The following JAK3 variants were observed in gnomAD, a reference collection of about 807,000 sequenced individuals.
JAK3 encodes the protein Janus kinase 3.
JAK3 carries 88 observed loss-of-function variants against 120.8 expected under a neutral mutation model. The observed-to-expected ratio is 0.73, with a 90% CI of 0.61 to 0.87. The LOEUF (loss-of-function observed/expected upper bound fraction) is 0.87. JAK3 is among the 40% of genes least tolerant of loss of function. The probability of loss-of-function intolerance (pLI) is 0.00; values close to 1 mark genes in which losing one functional copy is unlikely to be tolerated. For missense variants in JAK3, 1,254 were observed against 1,501.4 expected (o/e 0.84, Z 2.72); for synonymous variants, 592 against 628.6 (o/e 0.94, Z 0.87).
intron 10 of JAK3, among the ~76,000 whole-genome samples, chr19:17,838,637 C>G (rs2094230229): frequency 6.6e-6 from 1 of 152,048 alleles, no homozygotes; most frequent in Admixed American, 6.6e-5. Context: ...CCTCCACCTC[C>G]CAGGTTCAAG....
At chr19:17,836,734 A>C in intron 13 of JAK3, 1 of 431,432 alleles carries the variant, frequency 2.3e-6, no homozygotes, top group South Asian at 2.2e-5. Flanking sequence ...AGCCTCTCTG[A>C]CCATCCACAG....
Position 17,837,995 on chromosome 19 carries a change from C to T in JAK3, c.1638G>A (p.Gly546=), listed in dbSNP as rs1017287437. The T allele has an allele frequency of 6.2e-7, 1 of 1,614,128 alleles. No individual in the cohort carries two copies. Among genetic ancestry groups the T allele is most frequent in the Non-Finnish European group, 8.5e-7 (1 of 1,180,036 alleles). ...GCAGCACCTCTGTCTTTCGGGCCTC[C>T]CCATCCACCACCTCATGGCGACAGC... ...YRGCRHEVVD[G]EARKTEVLLK... The change falls in exon 12 of 24, where the codon GGG becomes GGA. Residue 546 remains glycine (G), a synonymous_variant. Coordinates refer to ENST00000458235, the MANE Select transcript of JAK3 (RefSeq NM_000215.4).
chr19:17,835,313 T>G, intron 14 of JAK3, 98 bp from the exon 15 acceptor site: 1 of 1,419,334 alleles, frequency 7.0e-7, no homozygotes, highest in Non-Finnish European at 9.5e-7. Flanking sequence ...CACTTGGTAC[T>G]GCTCAGACAT....
Position 17,834,892 on chromosome 19 carries a change from C to A in JAK3, c.2159G>T (p.Ser720Ile). 1.2e-6 allele frequency: 2 copies of A among 1,614,172 alleles called. No individual in the cohort carries two copies. The highest frequency in any genetic ancestry group is 2.2e-5 in the South Asian group (2 of 91,086). Residue 720 changes from serine (S) to isoleucine (I), a missense_variant, in exon 16 of 24, where the codon AGT becomes ATT. Physicochemically the swap from Ser to Ile is moderately radical, Grantham distance 142. Transcript: ENST00000458235. Reference sequence around the variant, plus strand: ...GGCACTGATGGGCATGGTGACGCCACTAAACACTTCCCAGACCGTGGCGCC... The same window carrying A: ...GGCACTGATGGGCATGGTGACGCCAATAAACACTTCCCAGACCGTGGCGCC... The part of the protein sequence containing the change: ...GFGATVWEVF[S>I]GVTMPISALD...
intron 13 of JAK3, chr19:17,836,710 C>T: frequency 2.3e-6 from 1 of 429,446 alleles, no homozygotes; most frequent in South Asian, 2.2e-5. Flanking sequence ...GCCCAACCCC[C>T]AGGCTGGCCC....
In JAK3 at chr19:17,842,490, T is replaced by C; in HGVS notation, c.687A>G (p.Ala229=). The change falls in exon 6 of 24, where the codon GCA becomes GCG. Residue 229 remains alanine, a synonymous_variant. Transcript: ENST00000458235. The surrounding 1 kb of genome is among the most constrained non-coding windows in gnomAD (Gnocchi z 6.4). Reference sequence around the variant, plus strand: ...ACTTGGCCATGAGCGAGTGCCGGTCTGCCTGGCAGGCGGCCACGCGGCGCA... The same window carrying C: ...ACTTGGCCATGAGCGAGTGCCGGTCCGCCTGGCAGGCGGCCACGCGGCGCA... ...RALRRVAACQ[A]DRHSLMAKYI... is the part of the protein sequence containing the mutation. The C allele has an allele frequency of 6.2e-7, 1 of 1,600,142 alleles. No individual in the cohort carries two copies. The highest frequency in any genetic ancestry group is 8.5e-7 in the Non-Finnish European group (1 of 1,174,206).
intron 16 of JAK3, 23 bp downstream of exon 16, chr19:17,834,829 G>C (rs202171305): frequency 6.2e-7 from 1 of 1,613,704 alleles, no homozygotes; most frequent in African/African-American, 1.3e-5. Flanking sequence ...TTCGGAGACC[G>C]ATGCCGGGTG....
At chr19:17,828,907 C>A (rs2094208806) in intron 23 of JAK3, among the ~76,000 whole-genome samples, 1 of 152,136 alleles carries the variant, frequency 6.6e-6, no homozygotes, top group Non-Finnish European at 1.5e-5. Context: ...GTAATCCCAG[C>A]ACTTTGGGAG....
chr19:17,838,158 T>C, intron 11 of JAK3, 95 bp from the exon 12 acceptor site: 1 of 1,612,480 alleles, frequency 6.2e-7, no homozygotes, highest in Non-Finnish European at 8.5e-7. Context: ...ATTTTACAGA[T>C]GGGAAAACCG....
rs886039394 is a variant in JAK3, at chr19:17,837,150, C to T, written c.1765G>A (p.Gly589Ser). ...VSYRHLVLLHGVCMAGDSTMV... is the reference protein window; with the variant it reads ...VSYRHLVLLHSVCMAGDSTMV... Reference sequence around the variant, plus strand: ...TCACTGTCTCCAGCCATGCACACGCCGTGGAGCAGCACGAGATGCCGGTAC... The same window carrying T: ...TCACTGTCTCCAGCCATGCACACGCTGTGGAGCAGCACGAGATGCCGGTAC... Residue 589 changes from glycine (G) to serine (S), a missense_variant, in exon 13 of 24, where the codon GGC (glycine) becomes AGC (serine). Physicochemically the swap from Gly to Ser is moderately conservative, Grantham distance 56 (BLOSUM62 0). Transcript: ENST00000458235. The T allele has an allele frequency of 3.2e-6, 5 of 1,559,508 alleles. No homozygotes were observed. Among genetic ancestry groups the T allele is most frequent in the East Asian group, 2.4e-5 (1 of 41,874 alleles).
At position 17,841,883 on chromosome 19, in the gene JAK3, G is replaced by T; in HGVS notation, c.862-121C>A. ...TCCCTTTGCCATTCAACCCTTCCAAGCCGCGCCCCCTCCTATCAACTCCAA... is the reference window on the plus strand; with the variant it reads ...TCCCTTTGCCATTCAACCCTTCCAATCCGCGCCCCCTCCTATCAACTCCAA... On this transcript the variant is annotated intron_variant, in intron 6 of 23. Transcript: ENST00000458235. The surrounding 1 kb of genome is among the most constrained non-coding windows in gnomAD (Gnocchi z 4.1). The T allele has an allele frequency of 7.2e-7, 1 of 1,393,666 alleles. No homozygotes were observed. The highest frequency in any genetic ancestry group is 9.8e-7 in the Non-Finnish European group (1 of 1,018,044). The allele number at this position is 1,393,666 out of a possible 1,614,324, so 86.3% of individuals were successfully genotyped here. A position where few individuals can be genotyped will look rare whatever the true frequency, so the allele number is the denominator to read the frequency against.
chr19:17,828,737 C>T (rs141653783), intron 23 of JAK3, among the ~76,000 whole-genome samples: 12 of 152,290 alleles, frequency 7.9e-5, no homozygotes, highest in Non-Finnish European at 1.5e-4. Context: ...ACAGGGTCTT[C>T]AGCACCCAAC....
rs118101939 is a variant in JAK3, at chr19:17,825,424, C to T, written c.*1319G>A. 2,912 of 218,150 alleles carry T rather than the reference C, an allele frequency of 0.013. 35 individuals are homozygous for T. Among genetic ancestry groups the T allele is most frequent in the Non-Finnish European group, 0.02 (2,178 of 108,624 alleles). The allele number at this position is 218,150 out of a possible 1,614,324, so 13.5% of individuals were successfully genotyped here. A position where few individuals can be genotyped will look rare whatever the true frequency, so the allele number is the denominator to read the frequency against. Reference sequence around the variant, plus strand: ...CATTGGACAGGTGGGAAAACTGAAGCCCTAGGACACTCAGATACCATTAGG... The same window carrying T: ...CATTGGACAGGTGGGAAAACTGAAGTCCTAGGACACTCAGATACCATTAGG... On this transcript the variant is annotated 3_prime_UTR_variant, in exon 24 of 24. Transcript: ENST00000458235.
intron 13 of JAK3, chr19:17,836,838 A>G (rs2094225228): frequency 2.0e-6 from 1 of 510,626 alleles, no homozygotes; most frequent in East Asian, 3.6e-5. Flanking sequence ...CTCCCAACCA[A>G]TGAAACCAAG....
chr19:17,847,020 C>T (rs1027482357), intron 1 of JAK3, among the ~76,000 whole-genome samples: 1 of 152,112 alleles, frequency 6.6e-6, no homozygotes, highest in African/African-American at 2.4e-5. Flanking sequence ...GCCTCAGCCT[C>T]CTGAGTAGCT....
At chr19:17,834,146 G>A (rs1474491576) in intron 17 of JAK3, among the ~76,000 whole-genome samples, 2 of 152,010 alleles carry the variant, frequency 1.3e-5, no homozygotes, top group Non-Finnish European at 1.5e-5. Context: ...TCAAGAGTTC[G>A]AGACCAGCCT....
chr19:17,831,432 G>A lies in JAK3; in HGVS notation c.2806-32C>T. 6.3e-7 allele frequency: 1 copy of A among 1,599,540 alleles called. No individual in the cohort carries two copies. The highest frequency in any genetic ancestry group is 1.3e-5 in the African/African-American group (1 of 74,922). ...GCGGGCGGTGTGAGCGTGCAGAGAG[G>A]ATCCCAGGATAATCCGGCAGGTACC... On this transcript the variant is annotated intron_variant, in intron 20 of 23. Coordinates refer to ENST00000458235, the MANE Select transcript of JAK3 (RefSeq NM_000215.4). This position sits in a 1 kb window ranked among gnomAD's most constrained non-coding sequence, Gnocchi z 5.1.
At chr19:17,830,331 C>T in intron 22 of JAK3, 113 bp from the exon 23 acceptor site, 1 of 971,928 alleles carries the variant, frequency 1.0e-6, no homozygotes, top group African/African-American at 1.6e-5. Context: ...GAGGGGCTGC[C>T]TGAACCGTGA....
chr19:17,836,964 G>A, intron 13 of JAK3, 165 bp downstream of exon 13: 1 of 697,668 alleles, frequency 1.4e-6, no homozygotes, highest in East Asian at 2.7e-5. Context: ...GCTTTCCAAG[G>A]AGTGATGATG....
Sources: allele counts gnomAD v4.1 joint callset (sites outside exome capture counted in the v4.1 genomes callset), GRCh38; gene constraint gnomAD v4.1.1; non-coding constraint Gnocchi (gnomAD v3.1); transcripts MANE v1.5; gene names NCBI Gene and HGNC (gene_info 2026-07-23, HGNC 2026-07-21).